ZDBF2: variants seen among roughly 807,000 people sequenced by gnomAD.
ZDBF2 encodes the protein zinc finger DBF-type containing 2, also known as DBF4-type zinc finger-containing protein 2.
A neutral mutation model predicts 9.4 loss-of-function variants in ZDBF2; 6 were observed. That is an observed-to-expected ratio of 0.64 (90% confidence interval 0.35 to 1.27). The LOEUF is 1.27. Among genes scored for constraint, ZDBF2 ranks in the 50% most tolerant of loss-of-function variants. The pLI, the probability that ZDBF2 is intolerant of heterozygous loss-of-function variation, is 0.03. For synonymous variants in ZDBF2, 905 were observed against 946.3 expected (o/e 0.96, Z 0.80); for missense variants, 2,697 against 2,766.8 (o/e 0.97, Z 0.57).
Position 206,297,392 on chromosome 2 carries a change from A to G in ZDBF2, c.188+19A>G, listed in dbSNP as rs778633158. 1.2e-6 allele frequency: 2 copies of G among 1,604,480 alleles called. No homozygotes were observed. Among genetic ancestry groups the G allele is most frequent in the South Asian group, 2.2e-5 (2 of 89,722 alleles). ...AGAGCAGGTAAAGTAGTTGATTGGAATAATATTTATACGTAGTTATATGTT... is the reference window on the plus strand; with the variant it reads ...AGAGCAGGTAAAGTAGTTGATTGGAGTAATATTTATACGTAGTTATATGTT... On this transcript the variant is annotated intron_variant, in intron 4 of 4. Coordinates refer to ENST00000374423, the MANE Select transcript of ZDBF2 (RefSeq NM_020923.3).
rs1693084155 is a variant in ZDBF2, at chr2:206,310,222, T to C, written c.5694T>C (p.Asp1898=). Residue 1898 remains aspartate, a synonymous_variant, in exon 5 of 5, where the codon GAT becomes GAC. Transcript: ENST00000374423. ...CTCAAGCTGTGTCAGAGAGTGATGA[T>C]ATTGTCTGTGGTATTTCAGATATTG... is the stretch of plus-strand genomic sequence containing the variant. ...APTQAVSESD[D]IVCGISDIDD... is the part of the protein sequence containing the mutation. 6 of 1,613,914 alleles carry C rather than the reference T, an allele frequency of 3.7e-6. No individual in the cohort carries two copies. The highest frequency in any genetic ancestry group is 2.2e-5 in the East Asian group (1 of 44,872).
Position 206,311,043 on chromosome 2 carries a change from G to C in ZDBF2, c.6515G>C (p.Ser2172Thr). The stretch of plus-strand genomic sequence containing the variant: ...AGAAATAAGCTTTTGGAAAGTCAAA[G>C]TAAAAAGAAAATTCATGGAAAGAGG... ...SVRNKLLESQ[S>T]KKKIHGKRVT... Residue 2172 changes from serine (S) to threonine (T), a missense_variant, in exon 5 of 5, where the codon AGT (serine) becomes ACT (threonine). Coordinates refer to ENST00000374423, the MANE Select transcript of ZDBF2 (RefSeq NM_020923.3). 1 of 1,610,092 alleles carries C rather than the reference G, an allele frequency of 6.2e-7. No homozygotes were observed. The highest frequency in any genetic ancestry group is 8.5e-7 in the Non-Finnish European group (1 of 1,178,986).
Position 206,306,827 on chromosome 2 carries a change from C to T in ZDBF2, c.2299C>T (p.Leu767=), listed in dbSNP as rs751900875. ...PLLSVTEQSH[L]DAEGKERHID... ...TCTGTCAGTTACTGAGCAGTCTCAT[C>T]TGGATGCTGAAGGAAAAGAACGGCA... The change falls in exon 5 of 5, where the codon CTG becomes TTG. Residue 767 remains leucine (L), a synonymous_variant. Transcript: ENST00000374423. 2.7e-5 allele frequency: 44 copies of T among 1,613,782 alleles called. No homozygotes were observed. In the Admixed American group the frequency reaches 6.8e-4, roughly 25 times the overall value.
intron 1 of ZDBF2, among the ~76,000 whole-genome samples, chr2:206,277,245 A>G (rs1691061939): frequency 6.6e-6 from 1 of 151,978 alleles, no homozygotes; most frequent in African/African-American, 2.4e-5. Context: ...CTCATTTCAG[A>G]AATATTTTTA....
In ZDBF2 at chr2:206,307,550, C is replaced by T; in HGVS notation, c.3022C>T (p.His1008Tyr). ...SKTSLDSGVP[H>Y]YSVTEPQVAV... ...AACAAGTTTAGATTCTGGTGTCCCT[C>T]ATTATTCAGTAACTGAACCTCAAGT... The change falls in exon 5 of 5, where the codon CAT becomes TAT. Residue 1008 changes from histidine to tyrosine, a missense_variant. Coordinates refer to ENST00000374423, the MANE Select transcript of ZDBF2 (RefSeq NM_020923.3). 1 of 1,613,736 alleles carries T rather than the reference C, an allele frequency of 6.2e-7. No individual in the cohort carries two copies.
chr2:206,294,087 A>G (rs1046368169), intron 3 of ZDBF2, among the ~76,000 whole-genome samples: 4 of 152,222 alleles, frequency 2.6e-5, no homozygotes, highest in Non-Finnish European at 2.9e-5. Context: ...GCCAATATGT[A>G]TGAATATCAC....
intron 1 of ZDBF2, 98 bp from the exon 2 acceptor site, chr2:206,279,442 A>G (rs1691197731): frequency 6.6e-6 from 1 of 152,174 alleles, no homozygotes; most frequent in Admixed American, 6.5e-5. Context: ...ATTATTGGAA[A>G]CATGTCACCG....
rs1186577194 is a variant in ZDBF2 at position 206,311,036 on chromosome 2, A to G, written c.6508A>G (p.Ser2170Gly). 2 of 1,609,666 alleles carry G rather than the reference A, an allele frequency of 1.2e-6. No individual in the cohort carries two copies. The highest frequency in any genetic ancestry group is 8.5e-7 in the Non-Finnish European group (1 of 1,178,950). ...ATCAGTTAGAAATAAGCTTTTGGAA[A>G]GTCAAAGTAAAAAGAAAATTCATGG... ...PKSVRNKLLESQSKKKIHGKR... is the reference protein window; with the variant it reads ...PKSVRNKLLEGQSKKKIHGKR... Residue 2170 changes from serine (S) to glycine (G), a missense_variant, in exon 5 of 5, where the codon AGT becomes GGT. By Grantham distance (56) the Ser-to-Gly change is moderately conservative (BLOSUM62 0). Coordinates refer to ENST00000374423, the MANE Select transcript of ZDBF2 (RefSeq NM_020923.3).
chr2:206,304,692 A>G (rs1377468433), intron 4 of ZDBF2, 25 bp from the exon 5 acceptor site: 2 of 1,573,002 alleles, frequency 1.3e-6, no homozygotes, highest in Non-Finnish European at 8.6e-7. Context: ...GAATATGTTT[A>G]TGAGTTTCCC....
rs1311037199 is a variant in ZDBF2, at chr2:206,313,580, A to AAG, written c.*1988_*1989insGA. 1 of 152,212 alleles carries AAG rather than the reference A, an allele frequency of 6.6e-6. No individual in the cohort carries two copies. Among genetic ancestry groups the AAG allele is most frequent in the Admixed American group, 6.5e-5 (1 of 15,280 alleles). The allele number at this position is 152,212 out of a possible 1,614,324, so 9.4% of individuals were successfully genotyped here. Reference sequence around the variant, plus strand: ...ACACATAGTTCCCTTAAATATTATTAATAGACATTCTACAGTCTTTCAGTG... The same window carrying AAG: ...ACACATAGTTCCCTTAAATATTATTAAGATAGACATTCTACAGTCTTTCAGTG... On this transcript the variant is annotated 3_prime_UTR_variant, in exon 5 of 5. Coordinates refer to ENST00000374423, the MANE Select transcript of ZDBF2 (RefSeq NM_020923.3).
In ZDBF2 at chr2:206,306,335, A is replaced by G. The variant is rs770472077; in HGVS notation, c.1807A>G (p.Arg603Gly). The change falls in exon 5 of 5, where the codon AGA becomes GGA. Residue 603 changes from arginine (R) to glycine (G), a missense_variant. Physicochemically the swap from Arg to Gly is moderately radical, Grantham distance 125 (BLOSUM62 -2). Around this residue, in one of 3 missense-constraint regions of ZDBF2, gnomAD observed 910 missense variants for 973.6 expected, o/e 0.93. Coordinates refer to ENST00000374423, the MANE Select transcript of ZDBF2 (RefSeq NM_020923.3). ...TCATCCCCAACTGACTGTCAAAGGA[A>G]GAAACCTGAAAGGTAGACAAGTCCA... ...VDHPQLTVKG[R>G]NLKGRQVHLK... The G allele has an allele frequency of 1.2e-6, 2 of 1,613,768 alleles. No homozygotes were observed. Among genetic ancestry groups the G allele is most frequent in the Non-Finnish European group, 1.7e-6 (2 of 1,179,798 alleles).
chr2:206,282,973 C>T (rs115887989), intron 3 of ZDBF2, among the ~76,000 whole-genome samples: 2,651 of 152,242 alleles, frequency 0.017, 55 homozygotes, highest in African/African-American at 0.045. Context: ...CGTTGTGTGG[C>T]CTTTTGTGTC....
Position 206,310,947 on chromosome 2 carries a change from T to G in ZDBF2, c.6419T>G (p.Leu2140Arg). ...TCAAAGGTTCTGCATGCTCGTGAGC[T>G]TCCAAAGAAAAGAAATTTCCAGCTA... ...EESKVLHARE[L>R]PKKRNFQLTF... is the part of the protein sequence containing the mutation. Residue 2140 changes from leucine (L) to arginine (R), a missense_variant, in exon 5 of 5, where the codon CTT (leucine) becomes CGT (arginine). Leu to Arg is a moderately radical substitution (Grantham distance 102). Coordinates refer to ENST00000374423, the MANE Select transcript of ZDBF2 (RefSeq NM_020923.3). 1 of 1,613,742 alleles carries G rather than the reference T, an allele frequency of 6.2e-7. No individual in the cohort carries two copies. Among genetic ancestry groups the G allele is most frequent in the Non-Finnish European group, 8.5e-7 (1 of 1,179,846 alleles).
intron 4 of ZDBF2, among the ~76,000 whole-genome samples, chr2:206,302,342 T>G (rs909626089): frequency 6.6e-6 from 1 of 152,080 alleles, no homozygotes; most frequent in South Asian, 2.1e-4. Context: ...AATGGTTAGA[T>G]TTTTAGAGAG....
At position 206,311,838 on chromosome 2, in the gene ZDBF2, C is replaced by T. The variant is rs566966079; in HGVS notation, c.*245C>T. 5.2e-5 allele frequency: 15 copies of T among 287,406 alleles called. No individual in the cohort carries two copies. Among genetic ancestry groups the T allele is most frequent in the African/African-American group, 3.3e-4 (15 of 45,870 alleles). The allele number at this position is 287,406 out of a possible 1,614,324, so 17.8% of individuals were successfully genotyped here. A position where few individuals can be genotyped will look rare whatever the true frequency, so the allele number is the denominator to read the frequency against. ...AGAAGAACTTCATCTTAATTTATGTCACAAAATAATTTAGCACCGTATATA... is the reference window on the plus strand; with the variant it reads ...AGAAGAACTTCATCTTAATTTATGTTACAAAATAATTTAGCACCGTATATA... On this transcript the variant is annotated 3_prime_UTR_variant, in exon 5 of 5. Coordinates refer to ENST00000374423, the MANE Select transcript of ZDBF2 (RefSeq NM_020923.3).
At chr2:206,281,036 G>A (rs748820822) in intron 2 of ZDBF2, among the ~76,000 whole-genome samples, 1 of 151,990 alleles carries the variant, frequency 6.6e-6, no homozygotes, top group Non-Finnish European at 1.5e-5. Context: ...AATTACTGGG[G>A]GAATTTTAAA....
At position 206,306,523 on chromosome 2, in the gene ZDBF2, T is replaced by C. The variant is rs753060804; in HGVS notation, c.1995T>C (p.Gly665=). 1.2e-6 allele frequency: 2 copies of C among 1,613,770 alleles called. No homozygotes were observed. The highest frequency in any genetic ancestry group is 8.5e-7 in the Non-Finnish European group (1 of 1,179,788). The change falls in exon 5 of 5, where the codon GGT becomes GGC. Residue 665 remains glycine, a synonymous_variant. Coordinates refer to ENST00000374423, the MANE Select transcript of ZDBF2 (RefSeq NM_020923.3). ...TGGATATGAACTGTGAATCCCATGGTCCTGAAATGGGTTTTCAGGCTGATG... is the reference window on the plus strand; with the variant it reads ...TGGATATGAACTGTGAATCCCATGGCCCTGAAATGGGTTTTCAGGCTGATG... The part of the protein sequence containing the change: ...DLMDMNCESH[G]PEMGFQADAQ...
intron 1 of ZDBF2, among the ~76,000 whole-genome samples, chr2:206,278,708 TC>T (rs1420731015): frequency 2.6e-5 from 4 of 152,174 alleles, no homozygotes; most frequent in Non-Finnish European, 5.9e-5. Context: ...AGTGAGTAAA[TC>T]CTACCCATTT....
At position 206,306,217 on chromosome 2, in the gene ZDBF2, G is replaced by A. The variant is rs375383453; in HGVS notation, c.1689G>A (p.Arg563=). The A allele has an allele frequency of 1.5e-5, 25 of 1,613,426 alleles. No individual in the cohort carries two copies. In the African/African-American group the frequency reaches 2.7e-4, roughly 17 times the overall value. Reference sequence around the variant, plus strand: ...TGGCTGTCACAGAAACAAAACTTCGGAAGAAGGCTCATACCAGCTTGGTTG... The same window carrying A: ...TGGCTGTCACAGAAACAAAACTTCGAAAGAAGGCTCATACCAGCTTGGTTG... ...PPVAVTETKL[R]KKAHTSLVDN... Residue 563 remains arginine (R), a synonymous_variant, in exon 5 of 5, where the codon CGG becomes CGA. Coordinates refer to ENST00000374423, the MANE Select transcript of ZDBF2 (RefSeq NM_020923.3).
Sources: gnomAD v4.1 joint callset for allele counts (sites outside exome capture counted in the v4.1 genomes callset) on GRCh38, gnomAD v4.1.1 for gene constraint, gnomAD v4.1.1 regional missense constraint, MANE v1.5 for transcripts, NCBI Gene and HGNC (gene_info 2026-07-23, HGNC 2026-07-21) for gene names.